Variants in CSMD1 observed in about 807,000 individuals in gnomAD.
The protein encoded by CSMD1 is CUB and sushi domain-containing protein 1.
CSMD1 carries 213 observed loss-of-function variants against 417.5 expected under a neutral mutation model. The observed-to-expected ratio is 0.51, with a 90% CI of 0.46 to 0.57. The LOEUF is 0.57. Among genes scored for constraint, CSMD1 ranks in the 20% least tolerant of loss-of-function variants. The pLI, the probability that CSMD1 is intolerant of heterozygous loss-of-function variation, is 0.00. For synonymous variants in CSMD1, 2,862 were observed against 1,736.8 expected (o/e 1.65, Z -16.11); for missense variants, 6,923 against 4,529.7 (o/e 1.53, Z -15.17).
At chr8:3,713,667 G>T (rs1261394577) in intron 6 of CSMD1, among the ~76,000 whole-genome samples, 1 of 152,118 alleles carries the variant, frequency 6.6e-6, no homozygotes, top group African/African-American at 2.4e-5. Flanking sequence ...ACCTATAAAG[G>T]GAGATCAGAT....
At chr8:4,616,633 G>A (rs1341907895) in intron 2 of CSMD1, among the ~76,000 whole-genome samples, 2 of 152,176 alleles carry the variant, frequency 1.3e-5, no homozygotes, top group African/African-American at 4.8e-5. Context: ...ACTGACAGCT[G>A]ACATTGGACA....
At chr8:4,569,371 G>C (rs1367499310) in intron 2 of CSMD1, among the ~76,000 whole-genome samples, 4 of 152,172 alleles carry the variant, frequency 2.6e-5, no homozygotes, top group Admixed American at 2.6e-4. Context: ...TGGCTAGTCA[G>C]CTTTCCCAAC....
chr8:4,465,592 G>A (rs116956296), intron 2 of CSMD1, among the ~76,000 whole-genome samples: 4 of 152,300 alleles, frequency 2.6e-5, no homozygotes, highest in East Asian at 3.9e-4. Flanking sequence ...AGGCCACTTA[G>A]AAGTCAGACG....
At chr8:4,194,994 G>T (rs1024567918) in intron 3 of CSMD1, among the ~76,000 whole-genome samples, 3 of 151,722 alleles carry the variant, frequency 2.0e-5, no homozygotes, top group Non-Finnish European at 4.4e-5. Flanking sequence ...TTTCATCTGG[G>T]AATTTTCCAT....
At position 3,851,501 on chromosome 8, in the gene CSMD1, A is replaced by T. The variant is rs565506864; in HGVS notation, c.819-97459T>A. 2.3e-3 allele frequency among the ~76,000 whole-genome samples: 345 copies of T among 152,228 alleles called. 2 individuals are homozygous for T. The highest frequency in any genetic ancestry group is 8.0e-3 in the African/African-American group (331 of 41,550). Reference sequence around the variant, plus strand: ...AAAAAGAAAGACCTAGTGTCTTGAGACTTTTTGGCTCTGTTTGATCAGGTG... The same window carrying T: ...AAAAAGAAAGACCTAGTGTCTTGAGTCTTTTTGGCTCTGTTTGATCAGGTG... On this transcript the variant is annotated intron_variant, in intron 5 of 69. Transcript: ENST00000635120.
chr8:3,681,831 A>G (rs1425635897), intron 7 of CSMD1, among the ~76,000 whole-genome samples: 1 of 152,232 alleles, frequency 6.6e-6, no homozygotes, highest in Non-Finnish European at 1.5e-5. Context: ...TGGTACTGGT[A>G]CCAAAACAGA....
chr8:3,640,582 C>T (rs1024192110), intron 7 of CSMD1, among the ~76,000 whole-genome samples: 1 of 152,180 alleles, frequency 6.6e-6, no homozygotes, highest in African/African-American at 2.4e-5. Flanking sequence ...AATATATTTT[C>T]TCTGAACCAC....
chr8:3,374,066 C>T (rs990893777), intron 18 of CSMD1, among the ~76,000 whole-genome samples: 9 of 151,774 alleles, frequency 5.9e-5, no homozygotes, highest in African/African-American at 9.7e-5. Flanking sequence ...AATTCTCCTC[C>T]CTCAGCCTCC....
chr8:4,239,236 G>A (rs961132011), intron 3 of CSMD1, among the ~76,000 whole-genome samples: 6 of 152,190 alleles, frequency 3.9e-5, no homozygotes, highest in Admixed American at 6.5e-5. Flanking sequence ...GCCAAACTCA[G>A]AATTCCATTA....
At chr8:3,370,361 A>G (rs911710463) in intron 18 of CSMD1, among the ~76,000 whole-genome samples, 1 of 152,306 alleles carries the variant, frequency 6.6e-6, no homozygotes, top group African/African-American at 2.4e-5. Context: ...ATGCTCTGCA[A>G]ACAAACAGCC....
chr8:4,289,479 T>C (rs1026317422), intron 3 of CSMD1, among the ~76,000 whole-genome samples: 32 of 152,282 alleles, frequency 2.1e-4, no homozygotes, highest in African/African-American at 7.2e-4. Flanking sequence ...GTAGCCAGAT[T>C]TGGACCACAT....
intron 3 of CSMD1, among the ~76,000 whole-genome samples, chr8:4,166,667 G>A (rs1483398459): frequency 1.3e-5 from 2 of 152,050 alleles, no homozygotes; most frequent in Non-Finnish European, 2.9e-5. Context: ...ACACTGCTGG[G>A]GTGATGGGTG....
chr8:3,059,167 C>G lies in CSMD1; in HGVS notation c.7475-6520G>C, dbSNP rs539101346. ...CCCATCAAAGCGTATTTTAGCACGA[C>G]TATTAATAATAATGGCTTGTTAAGA... On this transcript the variant is annotated intron_variant, in intron 49 of 69. Coordinates refer to ENST00000635120, the MANE Select transcript of CSMD1 (RefSeq NM_033225.6). 2.1e-4 allele frequency among the ~76,000 whole-genome samples: 32 copies of G among 150,052 alleles called. No homozygotes were observed. The East Asian group carries it at 6.3e-3, about 30-fold the overall frequency.
At position 3,621,080 on chromosome 8, in the gene CSMD1, G is replaced by T. The variant is rs541313268; in HGVS notation, c.1010-4283C>A. Reference sequence around the variant, plus strand: ...AAGGAAAGTCCATGTGAAGACACAAGAAGAGAGTCATCCACAAGACAAGGA... The same window carrying T: ...AAGGAAAGTCCATGTGAAGACACAATAAGAGAGTCATCCACAAGACAAGGA... On this transcript the variant is annotated intron_variant, in intron 7 of 69. Transcript: ENST00000635120. 3.9e-5 allele frequency among the ~76,000 whole-genome samples: 6 copies of T among 152,292 alleles called. No homozygotes were observed. In the South Asian group the frequency reaches 6.2e-4, roughly 16 times the overall value.
intron 2 of CSMD1, among the ~76,000 whole-genome samples, chr8:4,452,190 A>C (rs1319060479): frequency 6.6e-6 from 1 of 152,056 alleles, no homozygotes; most frequent in Non-Finnish European, 1.5e-5. Context: ...CGCTTAGTGC[A>C]CGTTTCTGCT....
At chr8:4,811,710 G>A (rs1207071131) in intron 1 of CSMD1, among the ~76,000 whole-genome samples, 1 of 151,886 alleles carries the variant, frequency 6.6e-6, no homozygotes, top group East Asian at 1.9e-4. Context: ...GAAAAAAAAT[G>A]AATACTGATT....
chr8:2,978,947 C>T (rs545793799), intron 54 of CSMD1, 147 bp from the exon 55 acceptor site: 16 of 698,516 alleles, frequency 2.3e-5, no homozygotes, highest in Admixed American at 6.6e-5. Context: ...TCCACTCTCA[C>T]GATGAATTCT....
At chr8:3,270,143 G>A (rs748868338) in intron 26 of CSMD1, among the ~76,000 whole-genome samples, 11 of 147,492 alleles carry the variant, frequency 7.5e-5, no homozygotes, top group Non-Finnish European at 1.6e-4. Flanking sequence ...TCTGCCTCCC[G>A]GGTTCAAGCG....
intron 3 of CSMD1, among the ~76,000 whole-genome samples, chr8:4,071,211 G>C (rs542610592): frequency 6.6e-6 from 1 of 151,748 alleles, no homozygotes; most frequent in Admixed American, 6.6e-5. Context: ...TCCTTCCGGA[G>C]TTTCAGCTAA....
Sources: allele counts gnomAD v4.1 joint callset (sites outside exome capture counted in the v4.1 genomes callset), GRCh38; gene constraint gnomAD v4.1.1; transcripts MANE v1.5; gene names NCBI Gene and HGNC (gene_info 2026-07-23, HGNC 2026-07-21).